The following CTCF variants were observed in gnomAD, a reference collection of about 807,000 sequenced individuals.
The protein encoded by CTCF is CCCTC-binding factor.
In CTCF, 7 loss-of-function variants were observed where a neutral mutation model predicts 72.3. The observed-to-expected ratio is 0.10, with a 90% CI of 0.06 to 0.18. The LOEUF (loss-of-function observed/expected upper bound fraction) is 0.18, where lower values mean the gene tolerates loss of function less well. Among genes scored for constraint, CTCF ranks in the 10% least tolerant of loss-of-function variants. The probability of loss-of-function intolerance (pLI) is 1.00; values close to 1 mark genes in which losing one functional copy is unlikely to be tolerated. For synonymous variants in CTCF, 374 were observed against 315.8 expected (o/e 1.18, Z -1.95); for missense variants, 516 against 949.1 (o/e 0.54, Z 6.00).
chr16:67,620,824 C>T lies in CTCF; in HGVS notation c.1207+7C>T, dbSNP rs1467441419. ...CACATGAGAACCCATTCAGGTAGGA[C>T]TTCTCCACTCCTTACTGTATTAATG... On this transcript the variant is annotated splice_region_variant and intron_variant, in intron 6 of 11. Coordinates refer to ENST00000264010, the MANE Select transcript of CTCF (RefSeq NM_006565.4). 2.5e-6 allele frequency: 4 copies of T among 1,577,286 alleles called. No homozygotes were observed. The highest frequency in any genetic ancestry group is 1.1e-5 in the South Asian group (1 of 87,390).
chr16:67,563,859 T>C (rs2051310784), intron 1 of CTCF: 1 of 152,210 alleles, frequency 6.6e-6, no homozygotes, highest in Non-Finnish European at 1.5e-5. Context: ...CCCAGGATTG[T>C]GCAACTCGAT....
At chr16:67,603,186 G>A (rs1296091065) in intron 2 of CTCF, among the ~76,000 whole-genome samples, 30 of 151,872 alleles carry the variant, frequency 2.0e-4, no homozygotes, top group Admixed American at 2.0e-3. Context: ...GAGGCTGGGA[G>A]TTCAAGACCA....
At chr16:67,620,651 A>C (rs757080360) in intron 5 of CTCF, 46 bp from the exon 6 acceptor site, 1 of 1,473,736 alleles carries the variant, frequency 6.8e-7, no homozygotes, top group Non-Finnish European at 9.2e-7. Flanking sequence ...CTCTTGTTAC[A>C]GTCTGTGTTA....
In CTCF at chr16:67,638,508, AT is replaced by A. The variant is rs1452697907; in HGVS notation, c.*638del. The A allele has an allele frequency of 4.4e-6, 1 of 226,678 alleles. No homozygotes were observed. The highest frequency in any genetic ancestry group is 8.8e-6 in the Non-Finnish European group (1 of 113,668). 14.0% of individuals were successfully genotyped at this position (226,678 alleles called of 1,614,324 possible). On this transcript the variant is annotated 3_prime_UTR_variant, in exon 12 of 12. Coordinates refer to ENST00000264010, the MANE Select transcript of CTCF (RefSeq NM_006565.4). ...CAGTGTAAGAAAACCCAGCATTTTA[AT>A]TACTTGCAAATTAAGTTACCACAGA...
At chr16:67,575,795 A>G (rs965329851) in intron 2 of CTCF, among the ~76,000 whole-genome samples, 31 of 152,124 alleles carry the variant, frequency 2.0e-4, no homozygotes, top group African/African-American at 7.2e-4. Context: ...TGACCACCAG[A>G]TAATACAAAT....
intron 2 of CTCF, among the ~76,000 whole-genome samples, chr16:67,588,897 G>A (rs1345060627): frequency 6.6e-6 from 1 of 151,950 alleles, no homozygotes; most frequent in African/African-American, 2.4e-5. Flanking sequence ...CGCTATGTTG[G>A]CCAGGCTGGT....
At position 67,631,154 on chromosome 16, in the gene CTCF, G is replaced by GTTTTTTTTT. The variant is rs766362012; in HGVS notation, c.1837+1623_1837+1631dup. Reference sequence around the variant, plus strand: ...ATTGGGCTTTTTTTGTTCTTTGTTTGTTTTTTTTTTGTTTTTTGTTTTTTT... The same window carrying GTTTTTTTTT: ...ATTGGGCTTTTTTTGTTCTTTGTTTGTTTTTTTTTTTTTTTTTTTGTTTTTTGTTTTTTT... On this transcript the variant is annotated intron_variant, in intron 10 of 11. Transcript: ENST00000264010. 8.4e-4 allele frequency among the ~76,000 whole-genome samples: 105 copies of GTTTTTTTTT among 125,004 alleles called. 8 individuals are homozygous for GTTTTTTTTT. Among genetic ancestry groups the GTTTTTTTTT allele is most frequent in the African/African-American group, 2.8e-3 (83 of 29,786 alleles). 82.0% of individuals were successfully genotyped at this position (125,004 alleles called of 152,430 possible). A position where few individuals can be genotyped will look rare whatever the true frequency, so the allele number is the denominator to read the frequency against.
chr16:67,611,800 A>G lies in CTCF; in HGVS notation c.782-151A>G, dbSNP rs1597714276. 10 of 914,762 alleles carry G rather than the reference A, an allele frequency of 1.1e-5. No homozygotes were observed. In the East Asian group the frequency reaches 1.8e-4, roughly 17 times the overall value. The allele number at this position is 914,762 out of a possible 1,614,324, so 56.7% of individuals were successfully genotyped here. A position where few individuals can be genotyped will look rare whatever the true frequency, so the allele number is the denominator to read the frequency against. ...TGCTCTTTTTTTAATCCCAAAGAAG[A>G]AGGAAATGTATTAGTGACATGAGAT... On this transcript the variant is annotated intron_variant, in intron 3 of 11. Coordinates refer to ENST00000264010, the MANE Select transcript of CTCF (RefSeq NM_006565.4).
intron 2 of CTCF, among the ~76,000 whole-genome samples, chr16:67,597,659 T>C (rs554557091): frequency 6.6e-6 from 1 of 152,308 alleles, no homozygotes; most frequent in South Asian, 2.1e-4. Flanking sequence ...CTTTGTTTCA[T>C]ACAACAGATA....
chr16:67,607,249 G>A (rs1472409823), intron 2 of CTCF, among the ~76,000 whole-genome samples: 1 of 151,946 alleles, frequency 6.6e-6, no homozygotes, highest in Non-Finnish European at 1.5e-5. Flanking sequence ...GAGCCACCAC[G>A]CCTGGCCCCT....
chr16:67,631,683 C>CCCA (rs1567617706), intron 10 of CTCF, among the ~76,000 whole-genome samples: 4 of 96,672 alleles, frequency 4.1e-5, no homozygotes, highest in Non-Finnish European at 7.5e-5. Flanking sequence ...CCCCCCCACC[C>CCCA]CCCCCCCCTT....
chr16:67,609,660 G>A (rs1284513308), intron 2 of CTCF, among the ~76,000 whole-genome samples: 2 of 139,760 alleles, frequency 1.4e-5, no homozygotes, highest in African/African-American at 5.3e-5. Flanking sequence ...ATCTCGCTCT[G>A]TCGCCCAGGC....
chr16:67,606,756 G>GT (rs796220502), intron 2 of CTCF, among the ~76,000 whole-genome samples: 17,382 of 124,500 alleles, frequency 0.14, 1,665 homozygotes, highest in African/African-American at 0.25. Flanking sequence ...TTTGTTTTGG[G>GT]TTTTTTTTTT....
intron 9 of CTCF, among the ~76,000 whole-genome samples, chr16:67,629,016 C>T (rs977865442): frequency 2.6e-4 from 40 of 151,540 alleles, no homozygotes; most frequent in Non-Finnish European, 5.2e-4. Flanking sequence ...GGCACCACTG[C>T]ACTCCAGCCT....
chr16:67,604,737 T>G (rs999991326), intron 2 of CTCF, among the ~76,000 whole-genome samples: 19 of 136,948 alleles, frequency 1.4e-4, no homozygotes, highest in South Asian at 2.4e-4. Flanking sequence ...AGGGTTTTTT[T>G]TTTTTTTGTT....
intron 4 of CTCF, among the ~76,000 whole-genome samples, chr16:67,613,807 C>G (rs1018892812): frequency 6.6e-6 from 1 of 152,004 alleles, no homozygotes; most frequent in African/African-American, 2.4e-5. Flanking sequence ...AATAAATGGC[C>G]CCATAACAGG....
intron 8 of CTCF, chr16:67,627,649 C>CAA (rs143199899): frequency 1.4e-5 from 2 of 146,452 alleles, no homozygotes; most frequent in Admixed American, 6.8e-5. Context: ...AAAAAAAAAA[C>CAA]AAAAAAACAC....
At chr16:67,601,120 C>T (rs2051880250) in intron 2 of CTCF, among the ~76,000 whole-genome samples, 1 of 151,728 alleles carries the variant, frequency 6.6e-6, no homozygotes, top group Non-Finnish European at 1.5e-5. Flanking sequence ...ATGACCTGGT[C>T]CAGCCTATTG....
chr16:67,594,077 G>T (rs1270997765), intron 2 of CTCF, among the ~76,000 whole-genome samples: 1 of 152,130 alleles, frequency 6.6e-6, no homozygotes, highest in Non-Finnish European at 1.5e-5. Context: ...AATCTAACCT[G>T]TAATTGTGTT....
Sources: allele counts gnomAD v4.1 joint callset (sites outside exome capture counted in the v4.1 genomes callset), GRCh38; gene constraint gnomAD v4.1.1; transcripts MANE v1.5; gene names NCBI Gene and HGNC (gene_info 2026-07-23, HGNC 2026-07-21).